Variants in HS6ST2 observed in about 807,000 individuals in gnomAD.
The protein encoded by HS6ST2 is heparan sulfate 6-O-sulfotransferase 2, also known as heparan-sulfate 6-O-sulfotransferase 2.
HS6ST2 carries 17 observed loss-of-function variants against 33.0 expected under a neutral mutation model. That is an observed-to-expected ratio of 0.52 (90% CI 0.35 to 0.77). HS6ST2 has a LOEUF of 0.77. Ranked by LOEUF, HS6ST2 falls within the 30% of genes least tolerant of loss-of-function variation. The pLI, the probability that HS6ST2 is intolerant of heterozygous loss-of-function variation, is 0.01. For synonymous variants in HS6ST2, 248 were observed against 237.1 expected (o/e 1.05, Z -0.42); for missense variants, 519 against 551.7 (o/e 0.94, Z 0.59).
chrX:132,702,904 A>C (rs2064156946), intron 3 of HS6ST2, among the ~76,000 whole-genome samples: 1 of 112,103 alleles, frequency 8.9e-6, no homozygotes, highest in Non-Finnish European at 1.9e-5. Context: ...TAAGTGCTCA[A>C]TAGATACATA....
At chrX:132,959,810 C>T (rs1286687797), upstream of HS6ST2, among the ~76,000 whole-genome samples, 1 of 111,931 alleles carries the variant, frequency 8.9e-6, no homozygotes, top group Non-Finnish European at 1.9e-5. Context: ...ACCTTTAGGC[C>T]ACTCCAAATG....
chrX:132,870,097 A>G (rs186256713), intron 2 of HS6ST2, among the ~76,000 whole-genome samples: 181 of 110,850 alleles, frequency 1.6e-3, no homozygotes, highest in African/African-American at 5.5e-3. Context: ...ATGTGTAAAA[A>G]TCACAAGCAT....
chrX:132,783,149 A>C (rs2065029634), intron 2 of HS6ST2, among the ~76,000 whole-genome samples: 1 of 111,700 alleles, frequency 9.0e-6, no homozygotes, highest in Non-Finnish European at 1.9e-5. Flanking sequence ...TCAGTTTCTA[A>C]ATCCATAAAA....
chrX:132,812,032 T>C (rs1361652423), intron 2 of HS6ST2, among the ~76,000 whole-genome samples: 1 of 109,368 alleles, frequency 9.1e-6, no homozygotes, highest in Non-Finnish European at 1.9e-5. Context: ...AGCTGCACCA[T>C]TTTATATTCC....
At chrX:132,634,298 C>T (rs2063538658) in intron 4 of HS6ST2, among the ~76,000 whole-genome samples, 2 of 111,930 alleles carry the variant, frequency 1.8e-5, no homozygotes, top group African/African-American at 3.2e-5. Flanking sequence ...TGAAGGGTGC[C>T]GCTGAATGGA....
At chrX:132,637,828 TTATATATAATATTTTATATATAATATA>T (rs2148602013) in intron 4 of HS6ST2, among the ~76,000 whole-genome samples, 4 of 58,521 alleles carry the variant, frequency 6.8e-5, no homozygotes, top group African/African-American at 3.2e-4. Flanking sequence ...ATATATAATA[TTATATATAATATTTTATATATAATATA>T]TATATAATAT....
At chrX:132,633,918 A>C (rs907210117) in intron 4 of HS6ST2, among the ~76,000 whole-genome samples, 7 of 111,635 alleles carry the variant, frequency 6.3e-5, no homozygotes, top group African/African-American at 2.3e-4. Context: ...CACCTTCCTC[A>C]TTCTTGACAC....
intron 4 of HS6ST2, among the ~76,000 whole-genome samples, chrX:132,638,566 G>A (rs934352811): frequency 6.2e-5 from 7 of 112,044 alleles, no homozygotes; most frequent in African/African-American, 2.3e-4. Flanking sequence ...GCAGACAGTG[G>A]GTTACATAGA....
At chrX:132,677,710 C>T (rs767249103) in intron 3 of HS6ST2, among the ~76,000 whole-genome samples, 1 of 112,288 alleles carries the variant, frequency 8.9e-6, no homozygotes, top group East Asian at 2.8e-4. Flanking sequence ...AGCTCTAGTG[C>T]CCACAGATAG....
intron 2 of HS6ST2, among the ~76,000 whole-genome samples, chrX:132,946,747 C>T (rs1213961487): frequency 9.0e-6 from 1 of 111,494 alleles, no homozygotes; most frequent in Non-Finnish European, 1.9e-5. Context: ...GCACATGTAC[C>T]CTAGAACTTA....
intron 4 of HS6ST2, among the ~76,000 whole-genome samples, chrX:132,647,473 G>T (rs1309266636): frequency 1.8e-5 from 2 of 112,001 alleles, no homozygotes; most frequent in Non-Finnish European, 3.8e-5. Flanking sequence ...TACCCCCAAA[G>T]CTTCAGCCTG....
At chrX:132,757,928 G>A (rs1462725644) in intron 2 of HS6ST2, among the ~76,000 whole-genome samples, 5 of 112,048 alleles carry the variant, frequency 4.5e-5, no homozygotes, top group Admixed American at 9.5e-5. Context: ...TTCAGGAACA[G>A]AAAGGGCTAA....
chrX:132,790,207 C>G (rs2065107213), intron 2 of HS6ST2, among the ~76,000 whole-genome samples: 1 of 111,887 alleles, frequency 8.9e-6, no homozygotes, highest in Non-Finnish European at 1.9e-5. Context: ...GCCACCCCAA[C>G]CTTTAGCAAC....
At chrX:132,764,072 T>A (rs1299550433) in intron 2 of HS6ST2, among the ~76,000 whole-genome samples, 1 of 112,357 alleles carries the variant, frequency 8.9e-6, no homozygotes, top group East Asian at 2.8e-4. Context: ...GTAACATGGT[T>A]ACCTGACTCA....
intron 2 of HS6ST2, among the ~76,000 whole-genome samples, chrX:132,857,204 G>A (rs1306831726): frequency 8.9e-6 from 1 of 112,258 alleles, no homozygotes; most frequent in African/African-American, 3.2e-5. Context: ...GGGCATCCTC[G>A]GCCGGGCGCG....
intron 4 of HS6ST2, among the ~76,000 whole-genome samples, chrX:132,635,670 G>A (rs993830732): frequency 1.8e-5 from 2 of 110,594 alleles, no homozygotes; most frequent in Admixed American, 9.8e-5. Context: ...CTTGGGGAGG[G>A]GGTTGGTACT....
chrX:132,808,304 T>A (rs1201618646), intron 2 of HS6ST2, among the ~76,000 whole-genome samples: 1 of 111,997 alleles, frequency 8.9e-6, no homozygotes. Flanking sequence ...GGAAAAAGTG[T>A]CCAATTTGTT....
chrX:132,813,182 C>T (rs113860535), intron 2 of HS6ST2, among the ~76,000 whole-genome samples: 6 of 111,671 alleles, frequency 5.4e-5, no homozygotes, highest in Admixed American at 9.5e-5. Flanking sequence ...CTTCTTATTA[C>T]TCAATAACCT....
chrX:132,861,209 A>C (rs903243615), intron 2 of HS6ST2, among the ~76,000 whole-genome samples: 1 of 112,036 alleles, frequency 8.9e-6, no homozygotes, highest in Non-Finnish European at 1.9e-5. Flanking sequence ...CATAATTATC[A>C]CTTTAACAGA....
Sources: gnomAD v4.1 joint callset for allele counts (sites outside exome capture counted in the v4.1 genomes callset) on GRCh38, gnomAD v4.1.1 for gene constraint, MANE v1.5 for transcripts, NCBI Gene and HGNC (gene_info 2026-07-23, HGNC 2026-07-21) for gene names.